WDR33: variants seen among roughly 807,000 people sequenced by gnomAD.
The protein encoded by WDR33 is WD repeat domain 33.
In WDR33, 47 loss-of-function variants were observed where a neutral mutation model predicts 164.9. The observed-to-expected ratio is 0.29, with a 90% confidence interval of 0.23 to 0.36. The LOEUF is 0.36. Among genes scored for constraint, WDR33 ranks in the 10% least tolerant of loss-of-function variants. WDR33 has a pLI of 1.00. For synonymous variants in WDR33, 505 were observed against 589.0 expected (o/e 0.86, Z 2.06); for missense variants, 1,137 against 1,754.1 (o/e 0.65, Z 6.28).
Position 127,708,716 on chromosome 2 carries a change from C to T in WDR33, c.3742G>A (p.Glu1248Lys). ...GPGTSEHREMEAPGGPSEDRG... is the reference protein window; with the variant it reads ...GPGTSEHREMKAPGGPSEDRG... ...TCTTCAGAAGGGCCTCCTGGGGCCT[C>T]CATCTCTCTGTGCTCAGAAGTGCCT... is the stretch of plus-strand genomic sequence containing the variant. The change falls in exon 21 of 22, where the codon GAG becomes AAG. Residue 1248 changes from glutamate to lysine, a missense_variant. By Grantham distance (56) the Glu-to-Lys change is moderately conservative (BLOSUM62 1). Around this residue, in one of 9 missense-constraint regions of WDR33, gnomAD observed 867 missense variants for 1,073.0 expected, o/e 0.81. Transcript: ENST00000322313. This position sits in a 1 kb window ranked among gnomAD's most constrained non-coding sequence, Gnocchi z 6.7. 6.2e-7 allele frequency: 1 copy of T among 1,612,712 alleles called. No homozygotes were observed. Among genetic ancestry groups the T allele is most frequent in the South Asian group, 1.1e-5 (1 of 90,900 alleles).
rs66766896 is a variant in WDR33, at chr2:127,742,522, C to CAAAA, written c.725-15749_725-15746dup. On this transcript the variant is annotated intron_variant, in intron 7 of 21. Coordinates refer to ENST00000322313, the MANE Select transcript of WDR33 (RefSeq NM_018383.5). ...AGCCCAGGAGACAGAGACCCTGTCT[C>CAAAA]AAAAAAAAAAAAAAAAAAGGGAAGA... Among the ~76,000 whole-genome samples, 111 of 79,228 alleles carry CAAAA rather than the reference C, an allele frequency of 1.4e-3. 1 individual carries two copies. Among genetic ancestry groups the CAAAA allele is most frequent in the African/African-American group, 5.2e-3 (108 of 20,602 alleles). 52.0% of individuals were successfully genotyped at this position (79,228 alleles called of 152,430 possible).
intron 1 of WDR33, among the ~76,000 whole-genome samples, chr2:127,799,288 T>TA (rs1309050524): frequency 6.6e-6 from 1 of 151,626 alleles, no homozygotes; most frequent in African/African-American, 2.4e-5. Flanking sequence ...AATGACACCA[T>TA]AAAAAAATCA....
chr2:127,798,430 C>T (rs1003229943), intron 1 of WDR33, among the ~76,000 whole-genome samples: 2 of 92,690 alleles, frequency 2.2e-5, no homozygotes, highest in Non-Finnish European at 4.7e-5. Flanking sequence ...TAGGAAAAGA[C>T]AATCATTCCC....
chr2:127,701,611 C>T lies in WDR33; in HGVS notation c.*4712G>A, dbSNP rs749462910. On this transcript the variant is annotated 3_prime_UTR_variant, in exon 22 of 22. Transcript: ENST00000322313. ...CCGGCGGCCGCGGAGCCGCTGCTCG[C>T]CGCGGAGAAGGCGGAGGAGCCCGGG... The T allele has an allele frequency of 2.2e-6, 3 of 1,346,408 alleles. No individual in the cohort carries two copies. The highest frequency in any genetic ancestry group is 1.9e-5 in the South Asian group (1 of 53,842). The allele number at this position is 1,346,408 out of a possible 1,614,324, so 83.4% of individuals were successfully genotyped here.
chr2:127,787,981 C>G (rs1335309750), intron 1 of WDR33, among the ~76,000 whole-genome samples: 1 of 64,862 alleles, frequency 1.5e-5, no homozygotes, highest in Non-Finnish European at 2.9e-5. Context: ...CAGAGGCGCC[C>G]CTCACCTCCC....
In WDR33 at chr2:127,703,362, T is replaced by C. The variant is rs1016205256; in HGVS notation, c.*2961A>G. ...AGTTTGAGGACCACTTTTCTGTGCATTGGCTTGCACAATTTGAAAGTAATG... is the reference window on the plus strand; with the variant it reads ...AGTTTGAGGACCACTTTTCTGTGCACTGGCTTGCACAATTTGAAAGTAATG... On this transcript the variant is annotated 3_prime_UTR_variant, in exon 22 of 22. Coordinates refer to ENST00000322313, the MANE Select transcript of WDR33 (RefSeq NM_018383.5). 3 of 167,086 alleles carry C rather than the reference T, an allele frequency of 1.8e-5. No individual in the cohort carries two copies. The highest frequency in any genetic ancestry group is 4.4e-5 in the Non-Finnish European group (3 of 68,130). 10.4% of individuals were successfully genotyped at this position (167,086 alleles called of 1,614,324 possible).
At chr2:127,810,153 T>C (rs1184583108) in intron 1 of WDR33, among the ~76,000 whole-genome samples, 2 of 152,212 alleles carry the variant, frequency 1.3e-5, no homozygotes, top group African/African-American at 4.8e-5. Context: ...GAGTTGTTCC[T>C]TTCAGTGCAG....
intron 7 of WDR33, among the ~76,000 whole-genome samples, chr2:127,761,611 G>A (rs1419746621): frequency 6.6e-6 from 1 of 152,196 alleles, no homozygotes; most frequent in Non-Finnish European, 1.5e-5. Context: ...AAGACTAATA[G>A]TGAGGAAAGA....
In WDR33 at chr2:127,702,881, C is replaced by T. The variant is rs1185241101; in HGVS notation, c.*3442G>A. 1 of 166,882 alleles carries T rather than the reference C, an allele frequency of 6.0e-6. No homozygotes were observed. Among genetic ancestry groups the T allele is most frequent in the Admixed American group, 6.5e-5 (1 of 15,290 alleles). 10.3% of individuals were successfully genotyped at this position (166,882 alleles called of 1,614,324 possible). A position where few individuals can be genotyped will look rare whatever the true frequency, so the allele number is the denominator to read the frequency against. On this transcript the variant is annotated 3_prime_UTR_variant, in exon 22 of 22. Coordinates refer to ENST00000322313, the MANE Select transcript of WDR33 (RefSeq NM_018383.5). ...GGGGCGCGTAGATGCTTAACGGTCTCTTCGGAAATCCTGCAAATAGAAAGA... is the reference window on the plus strand; with the variant it reads ...GGGGCGCGTAGATGCTTAACGGTCTTTTCGGAAATCCTGCAAATAGAAAGA...
rs376525567 is a variant in WDR33 at position 127,722,771 on chromosome 2, G to T, written c.1379-41C>A. The T allele has an allele frequency of 1.2e-5, 19 of 1,598,014 alleles. No homozygotes were observed. The South Asian group carries it at 2.2e-4, about 18-fold the overall frequency. Reference sequence around the variant, plus strand: ...AAAGTGGTTTGCCTCTTAAATAAAAGAAATTGGCCACTTGATCAATGAACA... The same window carrying T: ...AAAGTGGTTTGCCTCTTAAATAAAATAAATTGGCCACTTGATCAATGAACA... On this transcript the variant is annotated intron_variant, in intron 13 of 21. Coordinates refer to ENST00000322313, the MANE Select transcript of WDR33 (RefSeq NM_018383.5). This position sits in a 1 kb window ranked among gnomAD's most constrained non-coding sequence, Gnocchi z 5.1.
chr2:127,719,698 A>G lies in WDR33; in HGVS notation c.2327T>C (p.Leu776Pro), dbSNP rs752662488. Residue 776 changes from leucine (L) to proline (P), a missense_variant, in exon 16 of 22, where the codon CTG becomes CCG. Coordinates refer to ENST00000322313, the MANE Select transcript of WDR33 (RefSeq NM_018383.5). The surrounding 1 kb of genome is among the most constrained non-coding windows in gnomAD (Gnocchi z 6.5). ...GIQGPVSQGP[L>P]MGLNPRGMQG... Reference sequence around the variant, plus strand: ...CATTCCTCTTGGATTCAATCCCATCAGAGGTCCCTGAGACACAGGACCTTG... The same window carrying G: ...CATTCCTCTTGGATTCAATCCCATCGGAGGTCCCTGAGACACAGGACCTTG... 6.2e-7 allele frequency: 1 copy of G among 1,613,552 alleles called. No homozygotes were observed. Among genetic ancestry groups the G allele is most frequent in the Non-Finnish European group, 8.5e-7 (1 of 1,179,878 alleles).
At position 127,763,535 on chromosome 2, in the gene WDR33, G is replaced by A. The variant is rs989919136; in HGVS notation, c.627-376C>T. 33 of 1,026,810 alleles carry A rather than the reference G, an allele frequency of 3.2e-5. No homozygotes were observed. Among genetic ancestry groups the A allele is most frequent in the African/African-American group, 3.4e-5 (2 of 58,248 alleles). 63.6% of individuals were successfully genotyped at this position (1,026,810 alleles called of 1,614,324 possible). On this transcript the variant is annotated intron_variant, in intron 6 of 21. Coordinates refer to ENST00000322313, the MANE Select transcript of WDR33 (RefSeq NM_018383.5). This position sits in a 1 kb window ranked among gnomAD's most constrained non-coding sequence, Gnocchi z 4.5. The stretch of plus-strand genomic sequence containing the variant: ...TCCTGCAGTCTTTTAAATCACACAC[G>A]AATACTGCTCCCAAAATTATCATCA...
rs568243208 is a variant in WDR33, at chr2:127,724,986, A to G, written c.1007-21T>C. The G allele has an allele frequency of 6.2e-7, 1 of 1,614,208 alleles. No individual in the cohort carries two copies. The highest frequency in any genetic ancestry group is 1.1e-5 in the South Asian group (1 of 91,084). On this transcript the variant is annotated intron_variant, in intron 9 of 21. Coordinates refer to ENST00000322313, the MANE Select transcript of WDR33 (RefSeq NM_018383.5). The surrounding 1 kb of genome is among the most constrained non-coding windows in gnomAD (Gnocchi z 4.8). ...CACAGCTGCAGAACAAAAACATGGGAAAAGACACAATTATCAGGATCTGAG... is the reference window on the plus strand; with the variant it reads ...CACAGCTGCAGAACAAAAACATGGGGAAAGACACAATTATCAGGATCTGAG...
At chr2:127,736,276 T>G in intron 7 of WDR33, 1 of 985,384 alleles carries the variant, frequency 1.0e-6, no homozygotes, top group Middle Eastern at 5.2e-4. Context: ...AATGGACACT[T>G]CCGGGGGAGG....
At chr2:127,806,608 C>G (rs141995995) in intron 1 of WDR33, among the ~76,000 whole-genome samples, 2,500 of 151,774 alleles carry the variant, frequency 0.016, 41 homozygotes, top group Non-Finnish European at 0.021. Context: ...TTGTTCTACC[C>G]TAAACTCTGT....
intron 1 of WDR33, among the ~76,000 whole-genome samples, chr2:127,775,455 C>T (rs1340260339): frequency 6.6e-6 from 1 of 152,158 alleles, no homozygotes; most frequent in East Asian, 1.9e-4. Context: ...TCCCAAGGTG[C>T]TGGGATTACA....
chr2:127,763,884 T>C lies in WDR33; in HGVS notation c.627-725A>G. 6 of 985,656 alleles carry C rather than the reference T, an allele frequency of 6.1e-6. No homozygotes were observed. Among genetic ancestry groups the C allele is most frequent in the Middle Eastern group, 5.2e-4 (1 of 1,914 alleles). 61.1% of individuals were successfully genotyped at this position (985,656 alleles called of 1,614,324 possible). On this transcript the variant is annotated intron_variant, in intron 6 of 21. Transcript: ENST00000322313. The surrounding 1 kb of genome is among the most constrained non-coding windows in gnomAD (Gnocchi z 4.5). Reference sequence around the variant, plus strand: ...TTGGAATCCTATGAAGGACCAGCTGTGTAAACTCAATGTATGGGCATGACA... The same window carrying C: ...TTGGAATCCTATGAAGGACCAGCTGCGTAAACTCAATGTATGGGCATGACA...
Position 127,701,317 on chromosome 2 carries a change from G to GGGCGACTGCAAGCGGACAGGC in WDR33, c.*4985_*5005dup. 2 of 381,478 alleles carry GGGCGACTGCAAGCGGACAGGC rather than the reference G, an allele frequency of 5.2e-6. No individual in the cohort carries two copies. The highest frequency in any genetic ancestry group is 9.0e-6 in the Non-Finnish European group (2 of 221,470). The allele number at this position is 381,478 out of a possible 1,614,324, so 23.6% of individuals were successfully genotyped here. The stretch of plus-strand genomic sequence containing the variant: ...CAAGGAAGAGGGTCAGGCGCTGGGA[G>GGGCGACTGCAAGCGGACAGGC]GGCGACTGCAAGCGGACAGGCAGCA... On this transcript the variant is annotated 3_prime_UTR_variant, in exon 22 of 22. Transcript: ENST00000322313.
intron 7 of WDR33, among the ~76,000 whole-genome samples, chr2:127,761,582 T>G (rs1042165982): frequency 3.0e-4 from 45 of 152,350 alleles, no homozygotes; most frequent in African/African-American, 1.0e-3. Flanking sequence ...AATGTTTCAC[T>G]TATTTCTGTT....
Sources: allele counts gnomAD v4.1 joint callset (sites outside exome capture counted in the v4.1 genomes callset), GRCh38; gene constraint gnomAD v4.1.1; regional missense constraint gnomAD v4.1.1; non-coding constraint Gnocchi (gnomAD v3.1); transcripts MANE v1.5; gene names NCBI Gene and HGNC (gene_info 2026-07-23, HGNC 2026-07-21).